The following NRG3 variants were observed in gnomAD, a reference collection of about 807,000 sequenced individuals.
NRG3 encodes pro-neuregulin-3, membrane-bound isoform.
NRG3 carries 31 observed loss-of-function variants against 66.9 expected under a neutral mutation model. The observed-to-expected ratio is 0.46, with a 90% CI of 0.35 to 0.63. NRG3 has a LOEUF of 0.63. Among genes scored for constraint, NRG3 ranks in the 20% least tolerant of loss-of-function variants. The probability of loss-of-function intolerance (pLI) is 0.00; values close to 1 mark genes in which losing one functional copy is unlikely to be tolerated. For synonymous variants in NRG3, 393 were observed against 359.4 expected (o/e 1.09, Z -1.06); for missense variants, 910 against 878.9 (o/e 1.04, Z -0.45).
chr10:82,317,032 CATT>C (rs530544988), intron 1 of NRG3, among the ~76,000 whole-genome samples: 42 of 152,108 alleles, frequency 2.8e-4, no homozygotes, highest in Non-Finnish European at 5.4e-4. Context: ...TGTGACCTGT[CATT>C]GTTGCCAGCT....
chr10:82,487,829 C>T (rs1590314458), intron 2 of NRG3, among the ~76,000 whole-genome samples: 1 of 152,086 alleles, frequency 6.6e-6, no homozygotes, highest in Non-Finnish European at 1.5e-5. Context: ...AAATCCAATT[C>T]GTGCAGCCCA....
intron 2 of NRG3, among the ~76,000 whole-genome samples, chr10:82,731,646 T>C (rs2057912515): frequency 6.6e-6 from 1 of 152,244 alleles, no homozygotes; most frequent in African/African-American, 2.4e-5. Flanking sequence ...TATATGTAGA[T>C]ACCATATTTT....
chr10:82,961,097 T>C (rs916796579), intron 6 of NRG3, among the ~76,000 whole-genome samples: 3 of 152,206 alleles, frequency 2.0e-5, no homozygotes, highest in African/African-American at 4.8e-5. Flanking sequence ...CAAAAGTTAG[T>C]TGAATTTCCA....
At chr10:82,806,510 G>A (rs1333888444) in intron 3 of NRG3, among the ~76,000 whole-genome samples, 2 of 152,138 alleles carry the variant, frequency 1.3e-5, no homozygotes, top group East Asian at 3.8e-4. Flanking sequence ...TTCTACTCAC[G>A]GACCTACAAT....
chr10:82,441,640 A>T (rs1006484288), intron 2 of NRG3, among the ~76,000 whole-genome samples: 1 of 152,196 alleles, frequency 6.6e-6, no homozygotes, highest in African/African-American at 2.4e-5. Context: ...TTGGAAGAGG[A>T]TCCCCGCAAA....
At chr10:82,513,960 A>G (rs1351677318) in intron 2 of NRG3, among the ~76,000 whole-genome samples, 2 of 151,552 alleles carry the variant, frequency 1.3e-5, no homozygotes, top group Non-Finnish European at 2.9e-5. Context: ...TTTTTTTCAT[A>G]TGTTTGTTGG....
At chr10:81,954,049 A>T (rs1035221553) in intron 1 of NRG3, among the ~76,000 whole-genome samples, 1 of 152,196 alleles carries the variant, frequency 6.6e-6, no homozygotes, top group Non-Finnish European at 1.5e-5. Context: ...TTTATCTTTT[A>T]TATCTTTAAA....
chr10:82,003,988 AACACACACACACACACACACACAC>A (rs746699197), intron 1 of NRG3, among the ~76,000 whole-genome samples: 1 of 134,336 alleles, frequency 7.4e-6, no homozygotes, highest in Non-Finnish European at 1.6e-5. Flanking sequence ...CCTGACTGAA[AACACACACACACACACACACACAC>A]ACACACACAC....
intron 4 of NRG3, among the ~76,000 whole-genome samples, chr10:82,929,623 C>T (rs1372937994): frequency 6.6e-6 from 1 of 152,072 alleles, no homozygotes; most frequent in Non-Finnish European, 1.5e-5. Context: ...GTGGCTCACC[C>T]CTGTAATCCC....
At chr10:82,196,421 C>G (rs1257337980) in intron 1 of NRG3, among the ~76,000 whole-genome samples, 1 of 152,120 alleles carries the variant, frequency 6.6e-6, no homozygotes, top group Non-Finnish European at 1.5e-5. Context: ...TCTTTTGAAG[C>G]ACTAGAAAGT....
chr10:82,495,260 C>A (rs2132288148), intron 2 of NRG3, among the ~76,000 whole-genome samples: 1 of 152,202 alleles, frequency 6.6e-6, no homozygotes, highest in South Asian at 2.1e-4. Context: ...TTAATCATAG[C>A]TTTGAACAGT....
At chr10:82,041,514 A>G (rs1407381298) in intron 1 of NRG3, among the ~76,000 whole-genome samples, 1 of 151,930 alleles carries the variant, frequency 6.6e-6, no homozygotes, top group Non-Finnish European at 1.5e-5. Context: ...ATACTGCCCA[A>G]AGCCACCTTT....
intron 1 of NRG3, among the ~76,000 whole-genome samples, chr10:82,141,110 C>T (rs1007172959): frequency 5.3e-5 from 8 of 151,694 alleles, no homozygotes; most frequent in Admixed American, 2.0e-4. Flanking sequence ...ACAATCTTCC[C>T]GAAAAGTGGT....
At chr10:82,721,444 C>G (rs2057317062) in intron 2 of NRG3, among the ~76,000 whole-genome samples, 2 of 142,216 alleles carry the variant, frequency 1.4e-5, no homozygotes, top group African/African-American at 5.3e-5. Flanking sequence ...GGCCTTGAAA[C>G]AGAGTTTCAC....
chr10:82,714,197 A>G (rs575803450), intron 2 of NRG3, among the ~76,000 whole-genome samples: 13 of 152,310 alleles, frequency 8.5e-5, no homozygotes, highest in South Asian at 8.3e-4. Context: ...TACATAATTA[A>G]CATATGTATT....
intron 2 of NRG3, among the ~76,000 whole-genome samples, chr10:82,542,191 G>C (rs1420572010): frequency 6.6e-6 from 1 of 152,070 alleles, no homozygotes; most frequent in African/African-American, 2.4e-5. Context: ...TTCTGTTCCT[G>C]TATTAGTTTG....
At chr10:82,436,442 T>C (rs1234273360) in intron 2 of NRG3, among the ~76,000 whole-genome samples, 1 of 152,126 alleles carries the variant, frequency 6.6e-6, no homozygotes, top group Non-Finnish European at 1.5e-5. Context: ...GCATGTAAGG[T>C]GGGTCTTCTG....
intron 2 of NRG3, among the ~76,000 whole-genome samples, chr10:82,497,973 T>A (rs1439509354): frequency 1.2e-4 from 18 of 152,192 alleles, no homozygotes; most frequent in Non-Finnish European, 2.5e-4. Context: ...GATTTGCATA[T>A]CTCTGCTGAC....
At chr10:82,229,496 TA>T (rs1289943310) in intron 1 of NRG3, among the ~76,000 whole-genome samples, 1 of 152,154 alleles carries the variant, frequency 6.6e-6, no homozygotes, top group African/African-American at 2.4e-5. Flanking sequence ...CATGCTGCTA[TA>T]AAGAACTACC....
Sources: gnomAD v4.1 joint callset for allele counts (sites outside exome capture counted in the v4.1 genomes callset) on GRCh38, gnomAD v4.1.1 for gene constraint, MANE v1.5 for transcripts, NCBI Gene and HGNC (gene_info 2026-07-23, HGNC 2026-07-21) for gene names.